CEP63: variants seen among roughly 807,000 people sequenced by gnomAD.
CEP63 encodes centrosomal protein of 63 kDa.
In CEP63, 84 loss-of-function variants were observed where a neutral mutation model predicts 89.1. The ratio of observed to expected loss-of-function variants is 0.94; its 90% confidence interval spans 0.79 to 1.13. CEP63 has a LOEUF of 1.13. Ranked by LOEUF, CEP63 falls within the 50% of genes most tolerant of loss-of-function variation. CEP63 has a pLI of 0.00. For synonymous variants in CEP63, 267 were observed against 272.5 expected (o/e 0.98, Z 0.20); for missense variants, 838 against 813.3 (o/e 1.03, Z -0.37).
chr3:134,752,370 T>C, the CEP63 span, among the ~76,000 whole-genome samples: 2 of 152,058 alleles, frequency 1.3e-5, no homozygotes, highest in Non-Finnish European at 2.9e-5. Flanking sequence ...GTCCAACACA[T>C]ATGAGCTGCG....
At chr3:134,528,559 T>TGTGTGTGTGC (rs1553763880) in intron 3 of CEP63, among the ~76,000 whole-genome samples, 7 of 114,848 alleles carry the variant, frequency 6.1e-5, no homozygotes, top group Non-Finnish European at 1.4e-4. Context: ...GAGGGGTGTG[T>TGTGTGTGTGC]GTGTGTGTGC....
chr3:134,661,505 G>A, the CEP63 span, among the ~76,000 whole-genome samples: 3 of 152,270 alleles, frequency 2.0e-5, no homozygotes, highest in East Asian at 5.8e-4. Flanking sequence ...CTCTCATGTA[G>A]TTGACCTAGA....
At chr3:134,665,652 G>GACAC in the CEP63 span, among the ~76,000 whole-genome samples, 146 of 95,814 alleles carry the variant, frequency 1.5e-3, no homozygotes, top group Middle Eastern at 5.8e-3. Flanking sequence ...GGAAACAGAG[G>GACAC]ACACACACAC....
rs1278446247 is a variant in CEP63 at position 134,562,987 on chromosome 3, C to G, written c.*1452C>G. ...AGTGACCCTTACATTTATTACTAAT[C>G]TTGACCTCTCCCCAGAGCTGCTGTC... On this transcript the variant is annotated 3_prime_UTR_variant, in exon 15 of 15. Coordinates refer to ENST00000675561, the MANE Select transcript of CEP63 (RefSeq NM_001353108.3). 1 of 152,230 alleles carries G rather than the reference C, an allele frequency of 6.6e-6. No homozygotes were observed. The highest frequency in any genetic ancestry group is 1.5e-5 in the Non-Finnish European group (1 of 68,088). The allele number at this position is 152,230 out of a possible 1,614,324, so 9.4% of individuals were successfully genotyped here. A position where few individuals can be genotyped will look rare whatever the true frequency, so the allele number is the denominator to read the frequency against.
chr3:134,486,002 C>T (rs1429528502), upstream of CEP63: 27 of 972,690 alleles, frequency 2.8e-5, no homozygotes, highest in Admixed American at 3.2e-4. Context: ...CCCCCCCCCC[C>T]TCCCCCGCAT....
At chr3:134,779,235 C>A in the CEP63 span, among the ~76,000 whole-genome samples, 1 of 152,106 alleles carries the variant, frequency 6.6e-6, no homozygotes, top group Admixed American at 6.5e-5. Context: ...ATAAAACAGG[C>A]ACCCAAGTCC....
chr3:134,574,422 A>G (rs1465444333), intron 11 of CEP63, among the ~76,000 whole-genome samples: 1 of 152,192 alleles, frequency 6.6e-6, no homozygotes, highest in Non-Finnish European at 1.5e-5. Flanking sequence ...GGCCAAAACT[A>G]TTATCTAGTG....
At chr3:134,487,351 G>A (rs963065481) in intron 1 of CEP63, among the ~76,000 whole-genome samples, 1 of 152,056 alleles carries the variant, frequency 6.6e-6, no homozygotes, top group Non-Finnish European at 1.5e-5. Context: ...AACTAAATTA[G>A]AGTAGAGATT....
chr3:134,770,110 C>G, the CEP63 span, among the ~76,000 whole-genome samples: 2 of 152,220 alleles, frequency 1.3e-5, no homozygotes, highest in African/African-American at 4.8e-5. Flanking sequence ...TCTTTGTGGT[C>G]CAAATGGCCA....
chr3:134,722,716 G>A, the CEP63 span, among the ~76,000 whole-genome samples: 6 of 152,140 alleles, frequency 3.9e-5, no homozygotes, highest in Non-Finnish European at 8.8e-5. Context: ...TAGGTAGCAG[G>A]TATTCAATAA....
chr3:134,545,873 A>T (rs1206101456), intron 7 of CEP63, 54 bp downstream of exon 7: 1 of 1,325,302 alleles, frequency 7.5e-7, no homozygotes, highest in East Asian at 2.5e-5. Flanking sequence ...GTATTTTAAG[A>T]GAGTGTTATT....
At chr3:134,674,867 A>C in the CEP63 span, among the ~76,000 whole-genome samples, 1 of 152,214 alleles carries the variant, frequency 6.6e-6, no homozygotes, top group Admixed American at 6.5e-5. Context: ...CAACAGAAGA[A>C]GTACAAGGCT....
the CEP63 span, among the ~76,000 whole-genome samples, chr3:134,613,761 T>G: frequency 9.8e-5 from 15 of 152,352 alleles, no homozygotes; most frequent in African/African-American, 3.6e-4. Flanking sequence ...ACAAAGAAGG[T>G]CATAATGTAA....
chr3:134,549,317 G>A, intron 10 of CEP63, 141 bp downstream of exon 10: 1 of 642,308 alleles, frequency 1.6e-6, no homozygotes, highest in Non-Finnish European at 2.8e-6. Context: ...GGAAGAGTTT[G>A]TGGAATGTGC....
At chr3:134,755,228 A>G in the CEP63 span, among the ~76,000 whole-genome samples, 36 of 150,530 alleles carry the variant, frequency 2.4e-4, 1 homozygote, top group African/African-American at 7.4e-4. Flanking sequence ...AGAGCCCTGA[A>G]CCCTGAGCCC....
chr3:134,561,695 C>A lies in CEP63; in HGVS notation c.*160C>A. 6.9e-7 allele frequency: 1 copy of A among 1,448,790 alleles called. No individual in the cohort carries two copies. Among genetic ancestry groups the A allele is most frequent in the Non-Finnish European group, 9.0e-7 (1 of 1,106,812 alleles). 89.7% of individuals were successfully genotyped at this position (1,448,790 alleles called of 1,614,324 possible). ...CTGAAAAACTGATACTTTTGATAGG[C>A]ATTTTCTCTGCACTGGTTTGTTTAA... On this transcript the variant is annotated 3_prime_UTR_variant, in exon 15 of 15. Coordinates refer to ENST00000675561, the MANE Select transcript of CEP63 (RefSeq NM_001353108.3).
the CEP63 span, among the ~76,000 whole-genome samples, chr3:134,734,496 G>A: frequency 1.3e-5 from 2 of 152,102 alleles, no homozygotes; most frequent in African/African-American, 2.4e-5. Flanking sequence ...AAAAAAGCAA[G>A]AGGCACAAGT....
intron 12 of CEP63, among the ~76,000 whole-genome samples, chr3:134,553,751 A>G (rs1163894751): frequency 1.3e-5 from 2 of 152,316 alleles, no homozygotes; most frequent in East Asian, 1.9e-4. Flanking sequence ...AAATGCGTAA[A>G]TACGTATAGC....
At chr3:134,498,813 T>C (rs1941026112) in intron 2 of CEP63, among the ~76,000 whole-genome samples, 1 of 152,214 alleles carries the variant, frequency 6.6e-6, no homozygotes, top group Admixed American at 6.5e-5. Context: ...GATCATATGG[T>C]TTTTGTCTTT....
Sources: allele counts gnomAD v4.1 joint callset (sites outside exome capture counted in the v4.1 genomes callset), GRCh38; gene constraint gnomAD v4.1.1; transcripts MANE v1.5; gene names NCBI Gene and HGNC (gene_info 2026-07-23, HGNC 2026-07-21).